CORO2B: variants seen among roughly 807,000 people sequenced by gnomAD.
CORO2B encodes coronin-2B.
A neutral mutation model predicts 58.8 loss-of-function variants in CORO2B; 26 were observed. The ratio of observed to expected loss-of-function variants is 0.44; its 90% CI spans 0.32 to 0.61. The LOEUF is 0.61. Among genes scored for constraint, CORO2B ranks in the 20% least tolerant of loss-of-function variants. The pLI, the probability that CORO2B is intolerant of heterozygous loss-of-function variation, is 0.04. For missense variants in CORO2B, 460 were observed against 645.1 expected (o/e 0.71, Z 3.11); for synonymous variants, 242 against 253.8 (o/e 0.95, Z 0.44).
intron 8 of CORO2B, among the ~76,000 whole-genome samples, chr15:68,716,812 G>A (rs895890369): frequency 4.0e-5 from 6 of 151,838 alleles, no homozygotes; most frequent in East Asian, 3.9e-4. Context: ...GTGGCTGAGC[G>A]TGGTGTAGAC....
intron 1 of CORO2B, among the ~76,000 whole-genome samples, chr15:68,581,325 T>C (rs1234115696): frequency 6.6e-6 from 1 of 152,166 alleles, no homozygotes; most frequent in Non-Finnish European, 1.5e-5. Context: ...CTTAACCCTA[T>C]CTTCTCTCCC....
At chr15:68,597,578 G>A (rs1225813812) in intron 1 of CORO2B, among the ~76,000 whole-genome samples, 1 of 150,834 alleles carries the variant, frequency 6.6e-6, no homozygotes, top group Non-Finnish European at 1.5e-5. Flanking sequence ...CCTCTCAAAA[G>A]CATTGCATTT....
At chr15:68,543,678 C>T in the CORO2B span, among the ~76,000 whole-genome samples, 8 of 152,264 alleles carry the variant, frequency 5.3e-5, no homozygotes, top group African/African-American at 1.7e-4. Flanking sequence ...TGTAATGACT[C>T]TTGAATTAAT....
chr15:68,626,571 C>T lies in CORO2B; in HGVS notation c.16-18589C>T, dbSNP rs117781576. ...GCCAGGGGCTTGGCTGACACAGATG[C>T]GGGACTCCCAGCCTTTGAGTGAGGG... On this transcript the variant is annotated intron_variant, in intron 1 of 11. Transcript: ENST00000261861. Among the ~76,000 whole-genome samples, 1,297 of 152,134 alleles carry T rather than the reference C, an allele frequency of 8.5e-3. 6 individuals are homozygous for T. Among genetic ancestry groups the T allele is most frequent in the Non-Finnish European group, 0.014 (983 of 67,980 alleles).
chr15:68,706,504 T>G (rs1276233976), intron 3 of CORO2B, among the ~76,000 whole-genome samples: 1 of 152,194 alleles, frequency 6.6e-6, no homozygotes, highest in African/African-American at 2.4e-5. Flanking sequence ...GAGGCTCAAC[T>G]TTTGGCTTCA....
At chr15:68,535,242 A>G in the CORO2B span, among the ~76,000 whole-genome samples, 4 of 152,200 alleles carry the variant, frequency 2.6e-5, no homozygotes, top group Non-Finnish European at 4.4e-5. Context: ...TAATAAAAGA[A>G]ACCCTTATCC....
At chr15:68,592,269 G>A (rs1899726894) in intron 1 of CORO2B, among the ~76,000 whole-genome samples, 1 of 152,192 alleles carries the variant, frequency 6.6e-6, no homozygotes, top group Non-Finnish European at 1.5e-5. Flanking sequence ...TACATGTGGT[G>A]TAAATTCCAG....
rs372267861 is a variant in CORO2B at position 68,719,443 on chromosome 15, A to C, written c.1202A>C (p.Tyr401Ser). ...DPVLMSLKEG[Y>S]KKSSKMVFKA... ...GTGCTGATGTCTTTGAAAGAAGGCT[A>C]TAAGAAGTCCTCAAAAATGGTATTT... Residue 401 changes from tyrosine (Y) to serine (S), a missense_variant, in exon 11 of 12, where the codon TAT becomes TCT. Tyr to Ser is a moderately radical substitution (Grantham distance 144, BLOSUM62 -2). Transcript: ENST00000261861. 5.6e-6 allele frequency: 9 copies of C among 1,614,190 alleles called. No homozygotes were observed. The East Asian group carries it at 2.0e-4, about 36-fold the overall frequency.
the CORO2B span, among the ~76,000 whole-genome samples, chr15:68,519,267 A>C: frequency 6.6e-6 from 1 of 152,230 alleles, no homozygotes; most frequent in South Asian, 2.1e-4. Flanking sequence ...ACACAAGCAC[A>C]CATGTATAAG....
At chr15:68,523,467 G>A in the CORO2B span, among the ~76,000 whole-genome samples, 2 of 152,240 alleles carry the variant, frequency 1.3e-5, no homozygotes, top group South Asian at 2.1e-4. Context: ...AAAGTGCTGG[G>A]ACTATAGGCA....
chr15:68,649,262 C>T (rs757222946), intron 2 of CORO2B, among the ~76,000 whole-genome samples: 49 of 151,992 alleles, frequency 3.2e-4, no homozygotes, highest in Non-Finnish European at 4.7e-4. Flanking sequence ...TATTTGTTCA[C>T]GTGCTGTAAT....
At chr15:68,582,325 A>T (rs1899446788) in intron 1 of CORO2B, among the ~76,000 whole-genome samples, 1 of 152,228 alleles carries the variant, frequency 6.6e-6, no homozygotes, top group African/African-American at 2.4e-5. Flanking sequence ...AAAGAGAAGA[A>T]AGCCAGAAAA....
chr15:68,586,535 T>G (rs899786929), intron 1 of CORO2B, among the ~76,000 whole-genome samples: 6 of 152,306 alleles, frequency 3.9e-5, no homozygotes, highest in Middle Eastern at 3.4e-3. Flanking sequence ...GAGAGCATGG[T>G]ACAAGTATCC....
chr15:68,679,553 A>G (rs1273234742), intron 2 of CORO2B, among the ~76,000 whole-genome samples: 1 of 152,110 alleles, frequency 6.6e-6, no homozygotes, highest in Non-Finnish European at 1.5e-5. Flanking sequence ...AATAACTACC[A>G]TTTATCGAGT....
chr15:68,672,160 G>GTGTGTGTGTGTGTT (rs1555415415), intron 2 of CORO2B, among the ~76,000 whole-genome samples: 1 of 818 alleles, frequency 1.2e-3, no homozygotes, highest in African/African-American at 1.5e-3. Flanking sequence ...TAATCGGGAG[G>GTGTGTGTGTGTGTT]TGTGTGTGTG....
the CORO2B span, among the ~76,000 whole-genome samples, chr15:68,536,573 T>A: frequency 6.6e-6 from 1 of 152,244 alleles, no homozygotes; most frequent in African/African-American, 2.4e-5. Context: ...TTCAGAATCT[T>A]AGCCTTTGCA....
At chr15:68,637,417 C>T (rs1335165464) in intron 1 of CORO2B, among the ~76,000 whole-genome samples, 2 of 152,232 alleles carry the variant, frequency 1.3e-5, no homozygotes, top group Admixed American at 6.5e-5. Context: ...CTCTCGCTCA[C>T]GACCCAGAAT....
At chr15:68,660,431 C>T (rs1021507193) in intron 2 of CORO2B, among the ~76,000 whole-genome samples, 2 of 152,042 alleles carry the variant, frequency 1.3e-5, no homozygotes, top group African/African-American at 4.8e-5. Context: ...AGTGCAGTGG[C>T]ATGATCATGG....
At chr15:68,700,321 G>C (rs1486754811) in intron 3 of CORO2B, among the ~76,000 whole-genome samples, 9 of 152,116 alleles carry the variant, frequency 5.9e-5, no homozygotes, top group Non-Finnish European at 1.3e-4. Flanking sequence ...GTCTGGACCA[G>C]TTCCCCTGGT....
Sources: allele counts gnomAD v4.1 joint callset (sites outside exome capture counted in the v4.1 genomes callset), GRCh38; gene constraint gnomAD v4.1.1; transcripts MANE v1.5; gene names NCBI Gene and HGNC (gene_info 2026-07-23, HGNC 2026-07-21).